TNS4: variants seen among roughly 807,000 people sequenced by gnomAD.
TNS4 encodes the protein tensin 4.
TNS4 carries 46 observed loss-of-function variants against 70.4 expected under a neutral mutation model. The observed-to-expected ratio is 0.65, with a 90% CI of 0.52 to 0.84. The LOEUF (loss-of-function observed/expected upper bound fraction) is 0.84, where lower values mean the gene tolerates loss of function less well. TNS4 is among the 40% of genes least tolerant of loss of function. TNS4 has a pLI of 0.00. For missense variants in TNS4, 863 were observed against 907.0 expected (o/e 0.95, Z 0.62); for synonymous variants, 390 against 366.6 (o/e 1.06, Z -0.73).
At chr17:40,500,976 G>A (rs2036207613) in intron 1 of TNS4, among the ~76,000 whole-genome samples, 1 of 152,140 alleles carries the variant, frequency 6.6e-6, no homozygotes, top group Non-Finnish European at 1.5e-5. Context: ...ATGACCTCAG[G>A]CAAGCCTCTT....
Position 40,491,546 on chromosome 17 carries a change from A to T in TNS4, c.440-2577T>A, listed in dbSNP as rs78350516. ...CTGCTCCAAGGCCTTGCCCTGTGAG[A>T]AGGTGCTTGGCTGCTTTGGGGAGGG... On this transcript the variant is annotated intron_variant, in intron 2 of 12. Transcript: ENST00000254051. Among the ~76,000 whole-genome samples the T allele has an allele frequency of 7.3e-3, 1,111 of 152,250 alleles. 12 individuals are homozygous for T. Among genetic ancestry groups the T allele is most frequent in the African/African-American group, 0.026 (1,066 of 41,536 alleles).
intron 8 of TNS4, among the ~76,000 whole-genome samples, chr17:40,481,185 C>T (rs530013096): frequency 1.3e-5 from 2 of 152,300 alleles, no homozygotes; most frequent in African/African-American, 4.8e-5. Flanking sequence ...TTCTCCTGCA[C>T]ACCCCTGAGA....
At chr17:40,496,838 C>G (rs2036151987) in intron 1 of TNS4, among the ~76,000 whole-genome samples, 1 of 152,224 alleles carries the variant, frequency 6.6e-6, no homozygotes. Context: ...TATTGAACAT[C>G]TACTACATCC....
rs372953004 is a variant in TNS4 at position 40,479,862 on chromosome 17, C to A, written c.1742-20G>T. On this transcript the variant is annotated intron_variant, in intron 9 of 12. Coordinates refer to ENST00000254051, the MANE Select transcript of TNS4 (RefSeq NM_032865.6). Reference sequence around the variant, plus strand: ...GGCAGCCTGTGGGAGGCAGACACTGCGCTGGGGCCACTGACCCAGGGCCCA... The same window carrying A: ...GGCAGCCTGTGGGAGGCAGACACTGAGCTGGGGCCACTGACCCAGGGCCCA... 4 of 1,595,096 alleles carry A rather than the reference C, an allele frequency of 2.5e-6. No individual in the cohort carries two copies. Among genetic ancestry groups the A allele is most frequent in the East Asian group, 2.3e-5 (1 of 44,062 alleles).
At position 40,496,396 on chromosome 17, in the gene TNS4, C is replaced by T. The variant is rs764272161; in HGVS notation, c.30G>A (p.Leu10=). 4 of 1,612,922 alleles carry T rather than the reference C, an allele frequency of 2.5e-6. No homozygotes were observed. The South Asian group carries it at 4.4e-5, about 18-fold the overall frequency. The change falls in exon 2 of 13, where the codon CTG becomes CTA. Residue 10 remains leucine (L), a synonymous_variant. Transcript: ENST00000254051. The stretch of plus-strand genomic sequence containing the variant: ...CCAAGCTGACAGCATGGCCTCCTGC[C>T]AGCAGTGGGCTGGACATCACCTGGG... MSQVMSSPL[L]AGGHAVSLAP...
At chr17:40,482,563 G>T in intron 6 of TNS4, 147 bp from the exon 7 acceptor site, 1 of 600,844 alleles carries the variant, frequency 1.7e-6, no homozygotes. Context: ...GACCCACATG[G>T]TAAAACCCTA....
intron 2 of TNS4, among the ~76,000 whole-genome samples, chr17:40,492,400 A>G (rs930602837): frequency 6.0e-5 from 9 of 150,324 alleles, no homozygotes; most frequent in African/African-American, 2.2e-4. Flanking sequence ...ACAGGGTCTC[A>G]CTCTGTTGCC....
At chr17:40,489,212 A>AG (rs2143810343) in intron 2 of TNS4, among the ~76,000 whole-genome samples, 1 of 152,288 alleles carries the variant, frequency 6.6e-6, no homozygotes, top group South Asian at 2.1e-4. Context: ...AGACAGACCC[A>AG]GGCTTCAGAT....
rs2036025822 is a variant in TNS4, at chr17:40,488,750, C to A, written c.659G>T (p.Gly220Val). The A allele has an allele frequency of 7.5e-6, 12 of 1,601,310 alleles. No individual in the cohort carries two copies. The highest frequency in any genetic ancestry group is 1.0e-5 in the Non-Finnish European group (12 of 1,175,030). The change falls in exon 3 of 13, where the codon GGT becomes GTT. Residue 220 changes from glycine to valine, a missense_variant. By Grantham distance (109) the Gly-to-Val change is moderately radical (BLOSUM62 -3). Coordinates refer to ENST00000254051, the MANE Select transcript of TNS4 (RefSeq NM_032865.6). The part of the protein sequence containing the change: ...GHQRPLPPSE[G>V]LSPRPPNSPS... Reference sequence around the variant, plus strand: ...GGAATTTGGGGGTCGAGGGGAGAGACCCTCTGAGGGGGGCAGAGGGCGCTG... The same window carrying A: ...GGAATTTGGGGGTCGAGGGGAGAGAACCTCTGAGGGGGGCAGAGGGCGCTG...
chr17:40,488,237 G>C (rs938043864), intron 3 of TNS4, among the ~76,000 whole-genome samples: 3 of 152,018 alleles, frequency 2.0e-5, no homozygotes, highest in African/African-American at 7.3e-5. Context: ...CTGTGTTTTG[G>C]GGTTTAAAAA....
chr17:40,484,417 G>T, intron 6 of TNS4, 67 bp downstream of exon 6: 1 of 1,584,376 alleles, frequency 6.3e-7, no homozygotes, highest in Non-Finnish European at 8.6e-7. Flanking sequence ...GCCAGAGCCA[G>T]GACTGGAACC....
At chr17:40,490,273 T>G (rs879848877) in intron 2 of TNS4, among the ~76,000 whole-genome samples, 10 of 152,206 alleles carry the variant, frequency 6.6e-5, no homozygotes, top group Non-Finnish European at 1.0e-4. Context: ...TGAGGCCTTG[T>G]TCCTCTCCCG....
rs1304880096 is a variant in TNS4 at position 40,482,333 on chromosome 17, G to T, written c.1585C>A (p.Pro529Thr). 3 of 1,614,124 alleles carry T rather than the reference G, an allele frequency of 1.9e-6. No homozygotes were observed. Among genetic ancestry groups the T allele is most frequent in the East Asian group, 2.2e-5 (1 of 44,882 alleles). ...GGCTGGGGAGTCTCACCAAAGTAGGGCTCCTCATCTGCTCCTTTGAGATGC... is the reference window on the plus strand; with the variant it reads ...GGCTGGGGAGTCTCACCAAAGTAGGTCTCCTCATCTGCTCCTTTGAGATGC... ...GVHLKGADEE[P>T]YFGSLSAFVC... Residue 529 changes from proline to threonine, a missense_variant, in exon 7 of 13, where the codon CCC becomes ACC. Coordinates refer to ENST00000254051, the MANE Select transcript of TNS4 (RefSeq NM_032865.6).
At chr17:40,492,127 C>G (rs2036079390) in intron 2 of TNS4, among the ~76,000 whole-genome samples, 1 of 152,158 alleles carries the variant, frequency 6.6e-6, no homozygotes, top group East Asian at 1.9e-4. Context: ...GAGGAGCCTG[C>G]AGGCTGCCTC....
intron 1 of TNS4, among the ~76,000 whole-genome samples, chr17:40,498,965 G>T (rs530033517): frequency 1.8e-4 from 27 of 152,292 alleles, no homozygotes; most frequent in Admixed American, 7.2e-4. Flanking sequence ...TCAAACCCAG[G>T]TGTGGGATTT....
Position 40,484,612 on chromosome 17 carries a change from G to A in TNS4, c.1376-3C>T, listed in dbSNP as rs1471180667. 6.2e-7 allele frequency: 1 copy of A among 1,611,822 alleles called. No individual in the cohort carries two copies. Among genetic ancestry groups the A allele is most frequent in the Non-Finnish European group, 8.5e-7 (1 of 1,179,998 alleles). ...CTCCTTCCTCAGCAGCTCGATTGCT[G>A]GAACAATCCTTGAGTCAGAGATGGA... On this transcript the variant is annotated splice_polypyrimidine_tract_variant and splice_region_variant and intron_variant, in intron 5 of 12. Transcript: ENST00000254051.
At chr17:40,498,706 T>G (rs571921981) in intron 1 of TNS4, among the ~76,000 whole-genome samples, 1 of 152,288 alleles carries the variant, frequency 6.6e-6, no homozygotes, top group East Asian at 1.9e-4. Context: ...TACAGGCTTG[T>G]GCCCTATACC....
At chr17:40,496,950 C>T (rs1490137328) in intron 1 of TNS4, among the ~76,000 whole-genome samples, 1 of 152,116 alleles carries the variant, frequency 6.6e-6, no homozygotes, top group Non-Finnish European at 1.5e-5. Flanking sequence ...ATCCTTATAA[C>T]AACTGTATAA....
intron 4 of TNS4, 77 bp from the exon 5 acceptor site, chr17:40,485,084 A>G (rs2035974229): frequency 7.7e-7 from 1 of 1,297,502 alleles, no homozygotes; most frequent in Non-Finnish European, 1.1e-6. Context: ...AGAAGGCTGG[A>G]GACCCTTCCC....
Sources: gnomAD v4.1 joint callset for allele counts (sites outside exome capture counted in the v4.1 genomes callset) on GRCh38, gnomAD v4.1.1 for gene constraint, MANE v1.5 for transcripts, NCBI Gene and HGNC (gene_info 2026-07-23, HGNC 2026-07-21) for gene names.